NF1: variants seen among roughly 807,000 people sequenced by gnomAD.
NF1 encodes the protein neurofibromin 1, also known as neurofibromin.
In NF1, 122 loss-of-function variants were observed where a neutral mutation model predicts 325.7. The ratio of observed to expected loss-of-function variants is 0.37; its 90% CI spans 0.32 to 0.44. The LOEUF (loss-of-function observed/expected upper bound fraction) is 0.44, where lower values mean the gene tolerates loss of function less well. Among genes scored for constraint, NF1 ranks in the 20% least tolerant of loss-of-function variants. NF1 has a pLI of 1.00. For synonymous variants in NF1, 1,091 were observed against 1,186.0 expected, an observed-to-expected ratio of 0.92 and a Z score of 1.65; for missense variants, 2,140 against 3,415.4, an observed-to-expected ratio of 0.63 and a Z score of 9.31.
intron 56 of NF1, chr17:31,359,916 C>T (rs2070361143): frequency 6.2e-6 from 1 of 162,440 alleles, no homozygotes; most frequent in African/African-American, 2.4e-5. Context: ...GTTTTAGATA[C>T]AGGGGGTGCT....
At chr17:31,279,459 T>C (rs2068075974) in intron 36 of NF1, among the ~76,000 whole-genome samples, 1 of 152,090 alleles carries the variant, frequency 6.6e-6, no homozygotes, top group Admixed American at 6.5e-5. Context: ...CACTGAAAAG[T>C]GGCTTTTTAG....
At chr17:31,101,066 CTTT>C (rs1912284460) in intron 1 of NF1, among the ~76,000 whole-genome samples, 1 of 152,120 alleles carries the variant, frequency 6.6e-6, no homozygotes, top group Admixed American at 6.6e-5. Flanking sequence ...GTGGACCAGT[CTTT>C]TTTGTTGTTG....
rs878853894 is a variant in NF1, at chr17:31,259,072, A to G, written c.4373A>G (p.Glu1458Gly). The G allele has an allele frequency of 1.2e-6, 2 of 1,604,828 alleles. No homozygotes were observed. Among genetic ancestry groups the G allele is most frequent in the Non-Finnish European group, 1.7e-6 (2 of 1,174,546 alleles). Reference sequence around the variant, plus strand: ...GCCAATCATGTTCTCTTCACAAAAGAAGAACATATGCGGCCTTTCAATGAT... The same window carrying G: ...GCCAATCATGTTCTCTTCACAAAAGGAGAACATATGCGGCCTTTCAATGAT... ...SIANHVLFTK[E>G]EHMRPFNDFV... Residue 1458 changes from glutamate (E) to glycine (G), a missense_variant, in exon 33 of 58, where the codon GAA becomes GGA. Glu to Gly is a moderately conservative substitution (Grantham distance 98). This residue lies in a region of NF1 where 336 missense variants were observed against 399.0 expected (regional missense o/e 0.84). Coordinates refer to ENST00000358273, the MANE Select transcript of NF1 (RefSeq NM_001042492.3).
intron 57 of NF1, chr17:31,361,475 G>GT (rs2070399686): frequency 1.3e-5 from 2 of 152,084 alleles, no homozygotes; most frequent in African/African-American, 4.8e-5. Flanking sequence ...TATTGTGTGT[G>GT]TTATTATGAC....
intron 36 of NF1, among the ~76,000 whole-genome samples, chr17:31,270,923 A>T (rs2067882018): frequency 6.6e-6 from 1 of 152,176 alleles, no homozygotes; most frequent in Admixed American, 6.5e-5. Context: ...CCATTTCCAA[A>T]CCAAAATCTC....
At chr17:31,304,068 T>C in intron 36 of NF1, 1 of 511,270 alleles carries the variant, frequency 2.0e-6, no homozygotes. Flanking sequence ...GTACTATAAT[T>C]AGTAAATAGA....
rs2301808 is a variant in NF1, at chr17:31,235,887, A to G, written c.3871-31A>G. 683 of 1,607,644 alleles carry G rather than the reference A, an allele frequency of 4.2e-4. 5 individuals carry two copies. In the East Asian group the frequency reaches 0.013, roughly 30 times the overall value. ...TTAAGGTAAAATATATGGAGCAGGT[A>G]TAATAAACTCCTATTCGTGCATTTC... On this transcript the variant is annotated intron_variant, in intron 28 of 57. Coordinates refer to ENST00000358273, the MANE Select transcript of NF1 (RefSeq NM_001042492.3).
chr17:31,214,785 C>G (rs1278645782), intron 13 of NF1, among the ~76,000 whole-genome samples, 200 bp downstream of exon 13: 1 of 152,028 alleles, frequency 6.6e-6, no homozygotes, highest in African/African-American at 2.4e-5. Flanking sequence ...CTTAATTGCC[C>G]TTATCATTTC....
chr17:31,225,255 GCTT>G lies in NF1; in HGVS notation c.2001+11_2001+13del, dbSNP rs750468034. The G allele has an allele frequency of 3.7e-6, 6 of 1,613,146 alleles. No individual in the cohort carries two copies. In the African/African-American group the frequency reaches 5.3e-5, roughly 14 times the overall value. ...GGAAAAGGGAACTCCTCTATGGTCA[GCTT>G]CTTCTGTACTTTTTCTGTATCATTT... On this transcript the variant is annotated splice_donor_region_variant and intron_variant, in intron 17 of 57. Coordinates refer to ENST00000358273, the MANE Select transcript of NF1 (RefSeq NM_001042492.3).
At chr17:31,226,358 C>CAG (rs1491547001) in intron 17 of NF1, 77 bp from the exon 18 acceptor site, 22 of 1,529,416 alleles carry the variant, frequency 1.4e-5, no homozygotes, top group Non-Finnish European at 1.7e-5. Context: ...CACACACACA[C>CAG]AGTTTATTGC....
chr17:31,268,959 G>A (rs548228594), intron 36 of NF1, among the ~76,000 whole-genome samples: 24 of 151,964 alleles, frequency 1.6e-4, no homozygotes, highest in African/African-American at 5.8e-4. Flanking sequence ...TCCTGCCTTG[G>A]CCTCCTAAAG....
At chr17:31,241,998 A>T (rs1185615535) in intron 29 of NF1, among the ~76,000 whole-genome samples, 1 of 151,160 alleles carries the variant, frequency 6.6e-6, no homozygotes, top group African/African-American at 2.4e-5. Flanking sequence ...GGATATTTTC[A>T]CTGGATACTG....
At chr17:31,263,760 A>G (rs1233466774) in intron 35 of NF1, among the ~76,000 whole-genome samples, 2 of 151,318 alleles carry the variant, frequency 1.3e-5, no homozygotes, top group East Asian at 3.9e-4. Flanking sequence ...TTGGAGACCC[A>G]TTTTCTTTTT....
Position 31,229,051 on chromosome 17 carries a change from TG to T in NF1, c.2437del (p.Val813LeufsTer8). On this transcript the variant is annotated frameshift_variant, in exon 21 of 58. Transcript: ENST00000358273. LOFTEE classifies it high-confidence loss of function. The stretch of plus-strand genomic sequence containing the variant: ...CTGCTGAAAGCCTTCACAAGACCAT[TG>T]TTAAGAGGCGAATGTCCCATGTGAG... The part of the protein sequence containing the change: ...QAAESLHKTI[V>X]KRRMSHVSGG... 1 of 1,609,568 alleles carries T rather than the reference TG, an allele frequency of 6.2e-7. No individual in the cohort carries two copies.
chr17:31,231,063 A>G, intron 24 of NF1, 138 bp downstream of exon 24: 2 of 695,858 alleles, frequency 2.9e-6, no homozygotes, highest in Non-Finnish European at 2.5e-6. Context: ...ATATGTAAAG[A>G]TGCTAATCTT....
intron 57 of NF1, among the ~76,000 whole-genome samples, chr17:31,366,795 T>A (rs2070531852): frequency 1.3e-5 from 2 of 152,222 alleles, no homozygotes; most frequent in Non-Finnish European, 2.9e-5. Context: ...CCACTTAAGA[T>A]CTCTGAAATG....
At chr17:31,297,836 A>G (rs1029607834) in intron 36 of NF1, among the ~76,000 whole-genome samples, 2 of 152,140 alleles carry the variant, frequency 1.3e-5, no homozygotes, top group Non-Finnish European at 2.9e-5. Flanking sequence ...GTATAGAAGT[A>G]CTGAAATACG....
intron 36 of NF1, among the ~76,000 whole-genome samples, chr17:31,271,460 ATAAAAT>A (rs1277196715): frequency 6.6e-6 from 1 of 152,220 alleles, no homozygotes; most frequent in Non-Finnish European, 1.5e-5. Context: ...TTAATAAAAA[ATAAAAT>A]ATAGACCGGG....
At chr17:31,368,589 A>G (rs556859399) in intron 57 of NF1, among the ~76,000 whole-genome samples, 9 of 152,350 alleles carry the variant, frequency 5.9e-5, no homozygotes, top group Admixed American at 3.3e-4. Flanking sequence ...GTGCTTATTT[A>G]TATTAGCTTC....
Sources: gnomAD v4.1 joint callset for allele counts (sites outside exome capture counted in the v4.1 genomes callset) on GRCh38, gnomAD v4.1.1 for gene constraint, gnomAD v4.1.1 regional missense constraint, MANE v1.5 for transcripts, NCBI Gene and HGNC (gene_info 2026-07-23, HGNC 2026-07-21) for gene names.